DNAJC5: variants seen among roughly 807,000 people sequenced by gnomAD.
The protein encoded by DNAJC5 is DnaJ heat shock protein family (Hsp40) member C5, also known as dnaJ homolog subfamily C member 5.
In DNAJC5, 1 loss-of-function variant was observed where a neutral mutation model predicts 23.2. The ratio of observed to expected loss-of-function variants is 0.04; its 90% confidence interval spans 0.02 to 0.20. DNAJC5 has a LOEUF of 0.20. DNAJC5 is among the 10% of genes least tolerant of loss of function. DNAJC5 has a pLI of 1.00. For synonymous variants in DNAJC5, 136 were observed against 120.0 expected, an observed-to-expected ratio of 1.13 and a Z score of -0.87; for missense variants, 180 against 267.0, an observed-to-expected ratio of 0.67 and a Z score of 2.27.
chr20:63,930,916 C>T lies in DNAJC5; in HGVS notation c.387C>T (p.Phe129=). The T allele has an allele frequency of 6.2e-7, 1 of 1,614,148 alleles. No individual in the cohort carries two copies. Among genetic ancestry groups the T allele is most frequent in the South Asian group, 1.1e-5 (1 of 91,088 alleles). Residue 129 remains phenylalanine (F), a synonymous_variant, in exon 4 of 5, where the codon TTC becomes TTT. Coordinates refer to ENST00000360864, the MANE Select transcript of DNAJC5 (RefSeq NM_025219.3). ...CYCCCCLCCC[F]NCCCGKCKPK... ...GCTGCTGCTGTCTGTGCTGCTGCTT[C>T]AACTGCTGCTGCGGGAAGTGTAAGC...
At chr20:63,906,081 A>G (rs1448092414) in intron 1 of DNAJC5, among the ~76,000 whole-genome samples, 2 of 152,302 alleles carry the variant, frequency 1.3e-5, no homozygotes, top group East Asian at 1.9e-4. Flanking sequence ...CTAAAATTCT[A>G]CGCGACAATA....
chr20:63,906,836 G>A (rs554320193), intron 1 of DNAJC5, among the ~76,000 whole-genome samples: 2 of 151,998 alleles, frequency 1.3e-5, no homozygotes, highest in East Asian at 1.9e-4. Flanking sequence ...GGGTGCCATC[G>A]CTCGCACCTG....
At chr20:63,909,806 C>T (rs2053471268) in intron 1 of DNAJC5, among the ~76,000 whole-genome samples, 1 of 152,238 alleles carries the variant, frequency 6.6e-6, no homozygotes, top group African/African-American at 2.4e-5. Flanking sequence ...TGGGGATCCT[C>T]AGGAGAGCCT....
chr20:63,929,579 C>G lies in DNAJC5; in HGVS notation c.321+54C>G. 6.3e-7 allele frequency: 1 copy of G among 1,591,516 alleles called. No homozygotes were observed. On this transcript the variant is annotated intron_variant, in intron 3 of 4. Coordinates refer to ENST00000360864, the MANE Select transcript of DNAJC5 (RefSeq NM_025219.3). The surrounding 1 kb of genome is among the most constrained non-coding windows in gnomAD (Gnocchi z 8.6). ...ACCCGAGTCACTCCTGCCGTGCGGG[C>G]ACCCGAGTCTCTCCTGCCGTGCGGG...
At chr20:63,905,203 C>T (rs2053440022) in intron 1 of DNAJC5, among the ~76,000 whole-genome samples, 1 of 151,448 alleles carries the variant, frequency 6.6e-6, no homozygotes, top group Non-Finnish European at 1.5e-5. Context: ...GCAACCTCTG[C>T]TTCCCGGGTT....
intron 1 of DNAJC5, among the ~76,000 whole-genome samples, chr20:63,925,062 G>T (rs1364148023): frequency 6.6e-6 from 1 of 152,172 alleles, no homozygotes; most frequent in Non-Finnish European, 1.5e-5. Context: ...CTACCTGAAG[G>T]CAGGAAAGTC....
chr20:63,917,989 T>C (rs531731602), intron 1 of DNAJC5, among the ~76,000 whole-genome samples: 1 of 152,328 alleles, frequency 6.6e-6, no homozygotes, highest in African/African-American at 2.4e-5. Context: ...CTGCTCACGG[T>C]AGCTGCATCA....
chr20:63,910,162 CTTGA>C (rs540873450), intron 1 of DNAJC5, among the ~76,000 whole-genome samples: 1 of 152,246 alleles, frequency 6.6e-6, no homozygotes, highest in South Asian at 2.1e-4. Context: ...AGGTTCAAAC[CTTGA>C]TTGAATAGTC....
intron 1 of DNAJC5, among the ~76,000 whole-genome samples, chr20:63,911,331 T>C (rs1269880112): frequency 6.6e-6 from 1 of 152,210 alleles, no homozygotes; most frequent in Non-Finnish European, 1.5e-5. Context: ...GTGTGGCCGC[T>C]GGTCTTGTTG....
intron 1 of DNAJC5, among the ~76,000 whole-genome samples, chr20:63,921,215 T>C (rs751572597): frequency 6.6e-6 from 1 of 152,120 alleles, no homozygotes; most frequent in Non-Finnish European, 1.5e-5. Flanking sequence ...CTCCTCAGCC[T>C]CCCAAAGTTT....
intron 1 of DNAJC5, among the ~76,000 whole-genome samples, chr20:63,909,593 A>G (rs2053469682): frequency 6.6e-6 from 1 of 152,134 alleles, no homozygotes; most frequent in African/African-American, 2.4e-5. Context: ...AGGCAGGAGA[A>G]TCACTTGAGC....
intron 1 of DNAJC5, among the ~76,000 whole-genome samples, chr20:63,911,303 C>T (rs2146281244): frequency 6.6e-6 from 1 of 152,318 alleles, no homozygotes; most frequent in African/African-American, 2.4e-5. Flanking sequence ...TGGGTTGAGG[C>T]AGTTGATCCT....
chr20:63,914,867 C>T lies in DNAJC5; in HGVS notation c.-11-13468C>T, dbSNP rs766621057. ...CTGACCTCAGGTGATCTGCCCTCCT[C>T]GGCCTACCAAAATGTTGGGATTACA... On this transcript the variant is annotated intron_variant, in intron 1 of 4. Coordinates refer to ENST00000360864, the MANE Select transcript of DNAJC5 (RefSeq NM_025219.3). Among the ~76,000 whole-genome samples, 29 of 152,280 alleles carry T rather than the reference C, an allele frequency of 1.9e-4. 1 individual carries two copies. Among genetic ancestry groups the T allele is most frequent in the Admixed American group, 1.6e-3 (24 of 15,280 alleles).
intron 1 of DNAJC5, among the ~76,000 whole-genome samples, chr20:63,915,876 A>G (rs1284698806): frequency 1.3e-5 from 2 of 152,252 alleles, no homozygotes; most frequent in African/African-American, 2.4e-5. Flanking sequence ...TTTGTAAACT[A>G]CAACAAAAGT....
chr20:63,918,501 G>A (rs374322828), intron 1 of DNAJC5, among the ~76,000 whole-genome samples: 4 of 152,168 alleles, frequency 2.6e-5, no homozygotes, highest in South Asian at 2.1e-4. Flanking sequence ...GTATATATGG[G>A]GAAAATGAAA....
At chr20:63,909,325 C>T (rs1473829277) in intron 1 of DNAJC5, among the ~76,000 whole-genome samples, 4 of 151,538 alleles carry the variant, frequency 2.6e-5, no homozygotes, top group Non-Finnish European at 5.9e-5. Context: ...AGTGAAACCC[C>T]GTCTCTACTA....
chr20:63,914,597 A>C (rs1438929076), intron 1 of DNAJC5, among the ~76,000 whole-genome samples: 1 of 146,076 alleles, frequency 6.8e-6, no homozygotes, highest in African/African-American at 2.5e-5. Context: ...GATTACAGGC[A>C]TGAACCACCG....
chr20:63,915,761 AG>A (rs768141592), intron 1 of DNAJC5, among the ~76,000 whole-genome samples: 2 of 152,236 alleles, frequency 1.3e-5, no homozygotes, highest in Non-Finnish European at 1.5e-5. Flanking sequence ...GGCACCCAGA[AG>A]TTCCACTCTT....
At chr20:63,905,392 A>G (rs906774136) in intron 1 of DNAJC5, among the ~76,000 whole-genome samples, 1 of 152,044 alleles carries the variant, frequency 6.6e-6, no homozygotes, top group South Asian at 2.1e-4. Context: ...CTGGGATTGC[A>G]GGTGTGAGCC....
Sources: gnomAD v4.1 joint callset for allele counts (sites outside exome capture counted in the v4.1 genomes callset) on GRCh38, gnomAD v4.1.1 for gene constraint, Gnocchi (gnomAD v3.1) non-coding constraint, MANE v1.5 for transcripts, NCBI Gene and HGNC (gene_info 2026-07-23, HGNC 2026-07-21) for gene names.